DMTN: variants seen among roughly 807,000 people sequenced by gnomAD.
DMTN encodes the protein dematin actin binding protein, also known as dematin.
DMTN carries 27 observed loss-of-function variants against 59.4 expected under a neutral mutation model. That is an observed-to-expected ratio of 0.45 (90% CI 0.33 to 0.63). The LOEUF is 0.63. DMTN is among the 20% of genes least tolerant of loss of function. DMTN has a pLI of 0.02. For synonymous variants in DMTN, 221 were observed against 203.7 expected (o/e 1.08, Z -0.72); for missense variants, 451 against 528.9 (o/e 0.85, Z 1.45).
intron 10 of DMTN, among the ~76,000 whole-genome samples, chr8:22,079,899 G>A (rs1052196100): frequency 6.6e-6 from 1 of 152,198 alleles, no homozygotes; most frequent in Admixed American, 6.5e-5. Context: ...GGCTCTGGCT[G>A]ACTCAATTTT....
At chr8:22,051,411 A>G (rs1801341643), upstream of DMTN, among the ~76,000 whole-genome samples, 1 of 152,132 alleles carries the variant, frequency 6.6e-6, no homozygotes, top group African/African-American at 2.4e-5. Flanking sequence ...ACATCATTCT[A>G]TTCAATCCTG....
upstream of DMTN, among the ~76,000 whole-genome samples, chr8:22,052,010 A>G (rs1378263227): frequency 1.3e-5 from 2 of 152,212 alleles, no homozygotes; most frequent in Non-Finnish European, 2.9e-5. Context: ...TCAAGCAAGC[A>G]TGTCCCCATT....
chr8:22,060,501 C>G lies in DMTN; in HGVS notation c.-172+3365C>G, dbSNP rs546176869. The stretch of plus-strand genomic sequence containing the variant: ...TCTCCACCCCCATTTTCCCGGCTGG[C>G]CTTCTGACAGCTTAAAATTTAACCA... On this transcript the variant is annotated intron_variant, in intron 1 of 15. Transcript: ENST00000358242. This position sits in a 1 kb window ranked among gnomAD's most constrained non-coding sequence, Gnocchi z 5.0. Among the ~76,000 whole-genome samples the G allele has an allele frequency of 6.6e-6, 1 of 152,322 alleles. No homozygotes were observed. Among genetic ancestry groups the G allele is most frequent in the South Asian group, 2.1e-4 (1 of 4,824 alleles).
At chr8:22,080,057 G>C in intron 10 of DMTN, 123 bp from the exon 11 acceptor site, 1 of 1,093,444 alleles carries the variant, frequency 9.1e-7, no homozygotes, top group South Asian at 1.4e-5. Context: ...AAGCCCACCA[G>C]GTTCCCCCCA....
intron 10 of DMTN, among the ~76,000 whole-genome samples, chr8:22,078,388 C>CAT (rs993257282): frequency 6.1e-5 from 9 of 147,446 alleles, no homozygotes; most frequent in African/African-American, 1.5e-4. Context: ...TATATATATA[C>CAT]ATATATACAT....
At chr8:22,051,989 CTGGAACT>C (rs1801399385), upstream of DMTN, among the ~76,000 whole-genome samples, 1 of 152,364 alleles carries the variant, frequency 6.6e-6, no homozygotes, top group South Asian at 2.1e-4. Flanking sequence ...TACTGGAAAA[CTGGAACT>C]CTATCAAGCA....
chr8:22,058,389 C>T lies in DMTN; in HGVS notation c.-172+1253C>T, dbSNP rs934263794. On this transcript the variant is annotated intron_variant, in intron 1 of 15. Transcript: ENST00000358242. The surrounding 1 kb of genome is among the most constrained non-coding windows in gnomAD (Gnocchi z 4.3). ...GCATCTCCCCCAGCTCTGCCAGTCC[C>T]ACTTGTACAACAGGACCAGCTATAA... Among the ~76,000 whole-genome samples the T allele has an allele frequency of 5.9e-5, 9 of 152,110 alleles. No individual in the cohort carries two copies. Among genetic ancestry groups the T allele is most frequent in the East Asian group, 1.9e-4 (1 of 5,184 alleles).
chr8:22,081,093 GC>G lies in DMTN; in HGVS notation c.1024-16del. On this transcript the variant is annotated intron_variant, in intron 14 of 15. Coordinates refer to ENST00000358242, the MANE Select transcript of DMTN (RefSeq NM_001387751.1). Reference sequence around the variant, plus strand: ...CAGGATATTCTGTGAGCCTAAGATTGCCCCTCCCCCCACCCCCAGATCTATC... The same window carrying G: ...CAGGATATTCTGTGAGCCTAAGATTGCCCTCCCCCCACCCCCAGATCTATC... 6.4e-7 allele frequency: 1 copy of G among 1,572,878 alleles called. No individual in the cohort carries two copies. The highest frequency in any genetic ancestry group is 8.7e-7 in the Non-Finnish European group (1 of 1,144,782).
At chr8:22,069,733 G>A in intron 6 of DMTN, 148 bp from the exon 7 acceptor site, 1 of 1,005,718 alleles carries the variant, frequency 9.9e-7, no homozygotes, top group Non-Finnish European at 1.5e-6. Context: ...ACCCCTGAGG[G>A]GCAGTGCCAG....
chr8:22,068,731 G>A (rs1451966884), intron 4 of DMTN, among the ~76,000 whole-genome samples: 2 of 151,384 alleles, frequency 1.3e-5, no homozygotes, highest in Non-Finnish European at 2.9e-5. Context: ...CGGGAGAGAG[G>A]AGAAAAGGGG....
chr8:22,052,078 C>A (rs79705874), upstream of DMTN, among the ~76,000 whole-genome samples: 238 of 151,780 alleles, frequency 1.6e-3, no homozygotes, highest in African/African-American at 5.5e-3. Flanking sequence ...ACACACACAC[C>A]CAGACCGCAG....
intron 1 of DMTN, among the ~76,000 whole-genome samples, chr8:22,057,366 C>T (rs1803241544): frequency 1.3e-5 from 2 of 152,260 alleles, no homozygotes; most frequent in South Asian, 4.1e-4. Context: ...ATGAGAACTG[C>T]TCCCAGCCCA....
chr8:22,066,046 G>A (rs1240267301), intron 1 of DMTN, among the ~76,000 whole-genome samples: 2 of 152,112 alleles, frequency 1.3e-5, no homozygotes, highest in East Asian at 3.9e-4. Context: ...GTTTCGCTAT[G>A]TTGTCCATCC....
At chr8:22,075,375 G>T (rs1434259221) in intron 10 of DMTN, among the ~76,000 whole-genome samples, 1 of 151,032 alleles carries the variant, frequency 6.6e-6, no homozygotes, top group African/African-American at 2.4e-5. Context: ...TTCTGGCAGG[G>T]TCTTGCTCTG....
chr8:22,079,057 C>A (rs1408581672), intron 10 of DMTN, among the ~76,000 whole-genome samples: 1 of 150,972 alleles, frequency 6.6e-6, no homozygotes, highest in Non-Finnish European at 1.5e-5. Flanking sequence ...CTCGGCCTCC[C>A]AGAATGCTGG....
chr8:22,067,674 A>T lies in DMTN; in HGVS notation c.241A>T (p.Ser81Cys). ...CCTGGAACACGTGGAGCTGCCTCGC[A>T]GCCGCGAGGTGAGGGGGCTCCTCTT... ...SLLEHVELPR[S>C]RERSLSPKST... Residue 81 changes from serine to cysteine, a missense_variant, in exon 4 of 16, where the codon AGC (serine) becomes TGC (cysteine). Coordinates refer to ENST00000358242, the MANE Select transcript of DMTN (RefSeq NM_001387751.1). 1 of 1,613,848 alleles carries T rather than the reference A, an allele frequency of 6.2e-7. No individual in the cohort carries two copies. The highest frequency in any genetic ancestry group is 8.5e-7 in the Non-Finnish European group (1 of 1,179,996).
intron 4 of DMTN, 63 bp from the exon 5 acceptor site, chr8:22,068,953 G>C: frequency 6.3e-7 from 1 of 1,579,944 alleles, no homozygotes; most frequent in Non-Finnish European, 8.7e-7. Flanking sequence ...GGCCTCTCTG[G>C]AATTCTAGGG....
At chr8:22,068,568 G>T (rs1812621591) in intron 4 of DMTN, among the ~76,000 whole-genome samples, 2 of 151,882 alleles carry the variant, frequency 1.3e-5, no homozygotes, top group Non-Finnish European at 2.9e-5. Context: ...CTATAAGAAA[G>T]AAAGATGAGA....
At chr8:22,070,924 G>T (rs921543190) in intron 8 of DMTN, among the ~76,000 whole-genome samples, 2 of 152,062 alleles carry the variant, frequency 1.3e-5, no homozygotes, top group Admixed American at 6.5e-5. Context: ...TGCAGTCTTT[G>T]TCTTTCTGTG....
Sources: allele counts gnomAD v4.1 joint callset (sites outside exome capture counted in the v4.1 genomes callset), GRCh38; gene constraint gnomAD v4.1.1; non-coding constraint Gnocchi (gnomAD v3.1); transcripts MANE v1.5; gene names NCBI Gene and HGNC (gene_info 2026-07-23, HGNC 2026-07-21).